PRH1: variants seen among roughly 807,000 people sequenced by gnomAD.
PRH1 encodes the protein proline rich protein HaeIII subfamily 1.
PRH1 carries 7 observed loss-of-function variants against 7.9 expected under a neutral mutation model. The ratio of observed to expected loss-of-function variants is 0.89; its 90% CI spans 0.50 to 1.67. PRH1 has a LOEUF of 1.67. Among genes scored for constraint, PRH1 ranks in the 40% most tolerant of loss-of-function variants. The pLI, the probability that PRH1 is intolerant of heterozygous loss-of-function variation, is 0.00. For synonymous variants in PRH1, 45 were observed against 80.8 expected (o/e 0.56, Z 2.38); for missense variants, 109 against 223.6 (o/e 0.49, Z 3.27).
intron 1 of PRH1, among the ~76,000 whole-genome samples, chr12:10,983,222 C>T (rs1268682046): frequency 6.6e-6 from 1 of 152,170 alleles, no homozygotes; most frequent in African/African-American, 2.4e-5. Context: ...CAGAGGACTA[C>T]CTTCTGTCTG....
intron 1 of PRH1, among the ~76,000 whole-genome samples, chr12:11,015,557 C>T (rs1318100776): frequency 6.6e-6 from 1 of 152,088 alleles, no homozygotes; most frequent in Admixed American, 6.6e-5. Context: ...AGATATTGGC[C>T]ACTCCAACAG....
rs189270024 is a variant in PRH1, at chr12:10,927,407, T to A, written c.-58-43132A>T. Among the ~76,000 whole-genome samples the A allele has an allele frequency of 2.6e-4, 39 of 152,300 alleles. No homozygotes were observed. The East Asian group carries it at 3.5e-3, about 14-fold the overall frequency. ...ATAATCCCAGTAACCCACTGGGAGC[T>A]GCTTGGCTTAAGCACCTACCCTGTG... On this transcript the variant is annotated intron_variant, in intron 2 of 3. Coordinates refer to the PRH1 transcript ENST00000539853.
At chr12:11,161,540 C>T (rs1367282679) in intron 1 of PRH1, among the ~76,000 whole-genome samples, 6 of 151,992 alleles carry the variant, frequency 3.9e-5, no homozygotes, top group Admixed American at 3.3e-4. Flanking sequence ...AAAGTCAAAA[C>T]GGTGTGCCAG....
At chr12:11,038,112 T>C (rs1942520708) in intron 1 of PRH1, among the ~76,000 whole-genome samples, 1 of 152,260 alleles carries the variant, frequency 6.6e-6, no homozygotes, top group Admixed American at 6.5e-5. Flanking sequence ...TTCTCCTTTA[T>C]TCAGCAAAAA....
At chr12:10,968,931 T>C (rs375392463) in intron 2 of PRH1, among the ~76,000 whole-genome samples, 4 of 152,246 alleles carry the variant, frequency 2.6e-5, no homozygotes, top group East Asian at 3.9e-4. Flanking sequence ...CTTTGCCTTT[T>C]CGCTTGAGGC....
rs576285840 is a variant in PRH1, at chr12:11,093,919, T to C, written n.124-46731A>G. On this transcript the variant is annotated intron_variant and non_coding_transcript_variant, in intron 1 of 4. Coordinates refer to the PRH1 transcript ENST00000541977. ...TTCCCAGAAGAAGAATGAGAAACTA[T>C]TGAAGTCAGATTGCCGCCACCTGAT... Among the ~76,000 whole-genome samples the C allele has an allele frequency of 2.6e-5, 3 of 114,114 alleles. 1 individual carries two copies. Among genetic ancestry groups the C allele is most frequent in the Non-Finnish European group, 6.2e-5 (3 of 48,478 alleles). The allele number at this position is 114,114 out of a possible 152,430, so 74.9% of individuals were successfully genotyped here.
chr12:10,943,627 TG>T (rs1435178571), intron 2 of PRH1, among the ~76,000 whole-genome samples: 1 of 152,192 alleles, frequency 6.6e-6, no homozygotes, highest in East Asian at 1.9e-4. Flanking sequence ...TTGATGTCTT[TG>T]CCATGAAATC....
rs567653846 is a variant in PRH1, at chr12:10,922,145, A to T, written c.-58-37870T>A. Among the ~76,000 whole-genome samples, 5 of 152,294 alleles carry T rather than the reference A, an allele frequency of 3.3e-5. No homozygotes were observed. The East Asian group carries it at 9.6e-4, about 29-fold the overall frequency. ...AAATATAAAATAAATAGCACACCTA[A>T]ACCACCTAGAACAGTACCATGTACT... On this transcript the variant is annotated intron_variant, in intron 2 of 3. Coordinates refer to the PRH1 transcript ENST00000539853.
At chr12:10,887,396 C>A (rs2135786947), upstream of PRH1, among the ~76,000 whole-genome samples, 1 of 152,176 alleles carries the variant, frequency 6.6e-6, no homozygotes, top group Admixed American at 6.5e-5. Flanking sequence ...CTTCAACTTG[C>A]TTTGACTTGT....
rs1254928465 is a variant in PRH1, at chr12:11,154,186, GT to G, written n.39+17235del. On this transcript the variant is annotated intron_variant and non_coding_transcript_variant, in intron 1 of 1. Coordinates refer to the PRH1 transcript ENST00000541175. ...GGATACAATCAAACAATGCCAAAAT[GT>G]TTTTTATCAATAATTCTTTTAATTC... Among the ~76,000 whole-genome samples the G allele has an allele frequency of 4.6e-5, 7 of 152,238 alleles. No individual in the cohort carries two copies. The South Asian group carries it at 6.2e-4, about 14-fold the overall frequency.
At position 10,908,784 on chromosome 12, in the gene PRH1, A is replaced by G. The variant is rs372765078; in HGVS notation, c.-58-24509T>C. 7.4e-6 allele frequency: 12 copies of G among 1,613,880 alleles called. No homozygotes were observed. The African/African-American group carries it at 1.5e-4, about 20-fold the overall frequency. ...TTTGACCGACACTGAAAATGTTTCA[A>G]AGTCACTCATACTGAAATTCCAAGT... is the stretch of plus-strand genomic sequence containing the variant. On this transcript the variant is annotated intron_variant, in intron 2 of 3. Transcript: ENST00000539853.
At chr12:11,164,815 G>A (rs7970225) in intron 1 of PRH1, among the ~76,000 whole-genome samples, 69,178 of 151,796 alleles carry the variant, frequency 0.46, 16,554 homozygotes, top group Non-Finnish European at 0.53. Flanking sequence ...ATGAAAAACC[G>A]TTTTAATTAT....
chr12:10,942,991 T>A (rs563186815), intron 2 of PRH1, among the ~76,000 whole-genome samples: 1 of 152,304 alleles, frequency 6.6e-6, no homozygotes, highest in Non-Finnish European at 1.5e-5. Context: ...GGGGAGGTTG[T>A]GTTTGGGGGC....
intron 1 of PRH1, among the ~76,000 whole-genome samples, chr12:11,008,006 G>A (rs1236065402): frequency 6.6e-6 from 1 of 152,088 alleles, no homozygotes; most frequent in Non-Finnish European, 1.5e-5. Context: ...AAGAGAGTGG[G>A]AAATATGTCT....
chr12:10,945,759 G>A (rs1049729317), intron 2 of PRH1, among the ~76,000 whole-genome samples: 2 of 152,128 alleles, frequency 1.3e-5, no homozygotes, highest in African/African-American at 2.4e-5. Context: ...CGGGAGACCA[G>A]AGCTTATTTC....
At chr12:10,978,853 A>C (rs1939224014) in intron 1 of PRH1, among the ~76,000 whole-genome samples, 1 of 152,212 alleles carries the variant, frequency 6.6e-6, no homozygotes, top group African/African-American at 2.4e-5. Context: ...AATGCAAATC[A>C]AAACCACAAC....
Position 10,882,223 on chromosome 12 carries a change from T to C in PRH1, c.*12A>G, listed in dbSNP as rs1949412472. 3.1e-6 allele frequency: 5 copies of C among 1,613,704 alleles called. No homozygotes were observed. Among genetic ancestry groups the C allele is most frequent in the Non-Finnish European group, 4.2e-6 (5 of 1,179,904 alleles). ...TAATAAACTGGAATCGTACCTGTCA[T>C]TGAATCCTAGATTACTGAGGAGACT... On this transcript the variant is annotated 3_prime_UTR_variant, in exon 3 of 4. Coordinates refer to ENST00000543626, the MANE Select transcript of PRH1 (RefSeq NM_001393989.1).
At chr12:11,125,524 T>TA (rs1946087280) in intron 1 of PRH1, among the ~76,000 whole-genome samples, 1 of 152,306 alleles carries the variant, frequency 6.6e-6, no homozygotes, top group African/African-American at 2.4e-5. Flanking sequence ...TTTTATGCCT[T>TA]AACAAAATTA....
intron 1 of PRH1, chr12:11,171,252 AG>A: frequency 1.4e-6 from 1 of 719,712 alleles, no homozygotes; most frequent in Non-Finnish European, 1.9e-6. Context: ...TGAGCCCGGG[AG>A]CCGCTTTGCT....
Sources: allele counts gnomAD v4.1 joint callset (sites outside exome capture counted in the v4.1 genomes callset), GRCh38; gene constraint gnomAD v4.1.1; transcripts MANE v1.5; gene names NCBI Gene and HGNC (gene_info 2026-07-23, HGNC 2026-07-21).